SSX2IP: variants seen among roughly 807,000 people sequenced by gnomAD.
The protein encoded by SSX2IP is SSX family member 2 interacting protein, also known as afadin- and alpha-actinin-binding protein.
A neutral mutation model predicts 84.9 loss-of-function variants in SSX2IP; 55 were observed. The observed-to-expected ratio is 0.65, with a 90% CI of 0.52 to 0.81. The LOEUF (loss-of-function observed/expected upper bound fraction) is 0.81, where lower values mean the gene tolerates loss of function less well. Among genes scored for constraint, SSX2IP ranks in the 30% least tolerant of loss-of-function variants. SSX2IP has a pLI of 0.00. For synonymous variants in SSX2IP, 239 were observed against 234.7 expected, an observed-to-expected ratio of 1.02 and a Z score of -0.17; for missense variants, 664 against 705.2, an observed-to-expected ratio of 0.94 and a Z score of 0.66.
intron 1 of SSX2IP, among the ~76,000 whole-genome samples, chr1:84,683,014 TG>T (rs1410700110): frequency 2.0e-5 from 3 of 152,096 alleles, no homozygotes; most frequent in African/African-American, 7.2e-5. Flanking sequence ...AACTGAAGCC[TG>T]GAGTTTTCTT....
intron 3 of SSX2IP, 22 bp downstream of exon 3, chr1:84,670,624 G>A: frequency 6.5e-7 from 1 of 1,528,156 alleles, no homozygotes; most frequent in Non-Finnish European, 8.9e-7. Context: ...TTATGCTACT[G>A]TTTTTTACAA....
intron 1 of SSX2IP, among the ~76,000 whole-genome samples, chr1:84,683,150 CT>C (rs58800832): frequency 2.7e-3 from 388 of 142,282 alleles, no homozygotes; most frequent in Admixed American, 2.7e-3. Context: ...ATTCAAGCTG[CT>C]TTTTTTTTTT....
At chr1:84,656,174 G>A (rs1271263344) in intron 10 of SSX2IP, among the ~76,000 whole-genome samples, 169 bp from the exon 11 acceptor site, 4 of 152,112 alleles carry the variant, frequency 2.6e-5, no homozygotes, top group Non-Finnish European at 5.9e-5. Context: ...ACCCCAACTA[G>A]CAAAGTATGG....
intron 1 of SSX2IP, among the ~76,000 whole-genome samples, chr1:84,681,867 C>T (rs1389884923): frequency 1.3e-5 from 2 of 152,088 alleles, no homozygotes; most frequent in African/African-American, 2.4e-5. Flanking sequence ...ATCAGGAAGA[C>T]AGGGAACAGA....
At chr1:84,664,985 C>A (rs1249675701) in intron 5 of SSX2IP, among the ~76,000 whole-genome samples, 1 of 152,112 alleles carries the variant, frequency 6.6e-6, no homozygotes, top group Admixed American at 6.6e-5. Flanking sequence ...TAAGCAGGCT[C>A]GTTTTTCTAA....
chr1:84,665,981 C>A, intron 5 of SSX2IP, 141 bp downstream of exon 5: 1 of 641,554 alleles, frequency 1.6e-6, no homozygotes. Flanking sequence ...TACTATTACA[C>A]AAAGGTCCAC....
intron 5 of SSX2IP, among the ~76,000 whole-genome samples, chr1:84,665,519 AAT>A (rs1483449070): frequency 6.6e-6 from 1 of 152,172 alleles, no homozygotes; most frequent in African/African-American, 2.4e-5. Flanking sequence ...ATAAAAACAT[AAT>A]AGTTTCTTTC....
intron 8 of SSX2IP, among the ~76,000 whole-genome samples, chr1:84,661,031 C>T (rs891533844): frequency 4.2e-5 from 6 of 141,408 alleles, no homozygotes; most frequent in East Asian, 2.1e-4. Context: ...TGTGCCACTG[C>T]GCTCCAGCCT....
intron 13 of SSX2IP, among the ~76,000 whole-genome samples, chr1:84,649,133 G>GT (rs1649861618): frequency 6.6e-6 from 1 of 152,188 alleles, no homozygotes. Context: ...TCCCAGATGT[G>GT]TTGGGGCTGG....
At chr1:84,660,316 A>C (rs888401802) in intron 8 of SSX2IP, among the ~76,000 whole-genome samples, 1 of 152,178 alleles carries the variant, frequency 6.6e-6, no homozygotes, top group Non-Finnish European at 1.5e-5. Context: ...AGGAGGGTTT[A>C]ATCACTGAAG....
At chr1:84,681,989 G>A (rs577435223) in intron 1 of SSX2IP, among the ~76,000 whole-genome samples, 1 of 152,178 alleles carries the variant, frequency 6.6e-6, no homozygotes, top group Admixed American at 6.5e-5. Context: ...TCCAACCTTG[G>A]TAGGAGGAAA....
chr1:84,655,308 A>AT (rs11333107), intron 11 of SSX2IP: 6,229 of 825,962 alleles, frequency 7.5e-3, no homozygotes, highest in South Asian at 0.011. Context: ...AGTTTTGTTG[A>AT]TTTTTTTTTT....
chr1:84,655,768 A>C (rs764625489), intron 11 of SSX2IP, 64 bp downstream of exon 11: 1 of 1,547,880 alleles, frequency 6.5e-7, no homozygotes, highest in Non-Finnish European at 8.7e-7. Flanking sequence ...GAGACCTTAG[A>C]AGCATTCTAC....
chr1:84,660,245 TA>T (rs1454554673), intron 8 of SSX2IP, among the ~76,000 whole-genome samples: 2 of 152,168 alleles, frequency 1.3e-5, no homozygotes, highest in Non-Finnish European at 2.9e-5. Context: ...TTCATCCACT[TA>T]AACATGTGAA....
intron 8 of SSX2IP, among the ~76,000 whole-genome samples, chr1:84,659,451 C>T (rs1306835271): frequency 6.6e-6 from 1 of 152,160 alleles, no homozygotes; most frequent in Non-Finnish European, 1.5e-5. Context: ...CAAGGAAGCA[C>T]AGCTTCTCTT....
chr1:84,666,020 T>C (rs946499703), intron 5 of SSX2IP, 102 bp downstream of exon 5: 1 of 827,974 alleles, frequency 1.2e-6, no homozygotes, highest in Admixed American at 2.6e-5. Flanking sequence ...GATGAATAAA[T>C]GGTTCTTTCT....
rs1282636837 is a variant in SSX2IP, at chr1:84,670,861, T to G, written c.44-46A>C. 5 of 1,479,630 alleles carry G rather than the reference T, an allele frequency of 3.4e-6. No individual in the cohort carries two copies. In the African/African-American group the frequency reaches 7.0e-5, roughly 21 times the overall value. 91.7% of individuals were successfully genotyped at this position (1,479,630 alleles called of 1,614,324 possible). A position where few individuals can be genotyped will look rare whatever the true frequency, so the allele number is the denominator to read the frequency against. ...TATATAAATAATTTAGAAAAACGTA[T>G]GTAAAGCTAACATAATCGCCATTAC... On this transcript the variant is annotated intron_variant, in intron 2 of 13. Transcript: ENST00000342203.
intron 8 of SSX2IP, among the ~76,000 whole-genome samples, chr1:84,658,939 C>T (rs750974645): frequency 6.6e-6 from 1 of 152,092 alleles, no homozygotes. Context: ...ACTGTTAATT[C>T]TATTTTCCTC....
intron 9 of SSX2IP, 40 bp from the exon 10 acceptor site, chr1:84,656,524 A>C (rs1186612889): frequency 8.2e-6 from 13 of 1,580,568 alleles, no homozygotes; most frequent in Non-Finnish European, 1.1e-5. Flanking sequence ...TCTTATAGCC[A>C]CCACTTAGTT....
Sources: gnomAD v4.1 joint callset for allele counts (sites outside exome capture counted in the v4.1 genomes callset) on GRCh38, gnomAD v4.1.1 for gene constraint, MANE v1.5 for transcripts, NCBI Gene and HGNC (gene_info 2026-07-23, HGNC 2026-07-21) for gene names.